DNAH8: variants seen among roughly 807,000 people sequenced by gnomAD.
The protein encoded by DNAH8 is dynein axonemal heavy chain 8.
DNAH8 carries 382 observed loss-of-function variants against 562.1 expected under a neutral mutation model. The observed-to-expected ratio is 0.68, with a 90% CI of 0.63 to 0.74. The LOEUF (loss-of-function observed/expected upper bound fraction) is 0.74, where lower values mean the gene tolerates loss of function less well. Ranked by LOEUF, DNAH8 falls within the 30% of genes least tolerant of loss-of-function variation. The probability of loss-of-function intolerance (pLI) is 0.00; values close to 1 mark genes in which losing one functional copy is unlikely to be tolerated. For missense variants in DNAH8, 5,203 were observed against 5,620.4 expected (o/e 0.93, Z 2.37); for synonymous variants, 1,881 against 1,919.4 (o/e 0.98, Z 0.52).
chr6:38,836,254 G>A (rs995459950), intron 32 of DNAH8, among the ~76,000 whole-genome samples: 1 of 151,942 alleles, frequency 6.6e-6, no homozygotes, highest in Non-Finnish European at 1.5e-5. Context: ...TCAGCAACTG[G>A]GACATTATGT....
At chr6:38,839,281 G>C (rs1774569407) in intron 33 of DNAH8, among the ~76,000 whole-genome samples, 1 of 151,806 alleles carries the variant, frequency 6.6e-6, no homozygotes, top group Non-Finnish European at 1.5e-5. Context: ...TGGACCAACA[G>C]ACCATTTTCA....
intron 78 of DNAH8, 23 bp downstream of exon 78, chr6:38,938,249 C>T: frequency 1.3e-6 from 2 of 1,584,152 alleles, no homozygotes; most frequent in Non-Finnish European, 1.7e-6. Flanking sequence ...TACCTTCATC[C>T]AAAAGTGGTG....
At chr6:38,857,816 T>A (rs1776322858) in intron 42 of DNAH8, 74 bp downstream of exon 42, 1 of 906,906 alleles carries the variant, frequency 1.1e-6, no homozygotes. Flanking sequence ...GTTGCCTAAC[T>A]TACATGAACT....
At chr6:38,755,285 C>CT in intron 9 of DNAH8, among the ~76,000 whole-genome samples, 1 of 152,256 alleles carries the variant, frequency 6.6e-6, no homozygotes, top group East Asian at 1.9e-4. Context: ...GAATAATATG[C>CT]TAACGCTCTT....
intron 40 of DNAH8, 77 bp downstream of exon 40, chr6:38,852,875 A>G (rs1247558711): frequency 1.8e-6 from 2 of 1,117,516 alleles, no homozygotes; most frequent in African/African-American, 3.2e-5. Flanking sequence ...GTTCTCTTAC[A>G]GAAAAAAACA....
chr6:38,721,701 TCAAA>T (rs1012013589), intron 1 of DNAH8, among the ~76,000 whole-genome samples: 29 of 152,140 alleles, frequency 1.9e-4, no homozygotes, highest in African/African-American at 6.5e-4. Context: ...ACTAAGTGTA[TCAAA>T]CAAACAATTA....
intron 27 of DNAH8, 65 bp downstream of exon 27, chr6:38,823,099 A>G: frequency 1.4e-6 from 2 of 1,407,072 alleles, no homozygotes; most frequent in Non-Finnish European, 1.9e-6. Context: ...AGGGTGGACC[A>G]GGAAAATATC....
chr6:38,941,191 A>T (rs956304293), intron 79 of DNAH8, among the ~76,000 whole-genome samples: 4 of 152,160 alleles, frequency 2.6e-5, no homozygotes, highest in Non-Finnish European at 5.9e-5. Flanking sequence ...TACAGAAATA[A>T]CAGCCAAAGC....
chr6:38,929,983 A>G (rs956584430), intron 75 of DNAH8, among the ~76,000 whole-genome samples: 1 of 152,142 alleles, frequency 6.6e-6, no homozygotes, highest in Non-Finnish European at 1.5e-5. Flanking sequence ...TCTGGTCTTA[A>G]TATGTTAGTG....
chr6:38,909,454 T>C, intron 64 of DNAH8, 64 bp from the exon 65 acceptor site: 1 of 1,480,862 alleles, frequency 6.8e-7, no homozygotes, highest in Non-Finnish European at 9.4e-7. Context: ...ATTGCGTAAA[T>C]CTCTCTCTGG....
chr6:38,938,193 A>G lies in DNAH8; in HGVS notation c.11783A>G (p.Gln3928Arg). 3.1e-6 allele frequency: 5 copies of G among 1,613,540 alleles called. No individual in the cohort carries two copies. Among genetic ancestry groups the G allele is most frequent in the East Asian group, 2.2e-5 (1 of 44,872 alleles). ...ATCATGTATCAGACGTCATTGGCCC[A>G]GTTCTTGAAGTTATTTGACCAGTCC... ...VNIMYQTSLAQFLKLFDQSMA... is the reference protein window; with the variant it reads ...VNIMYQTSLARFLKLFDQSMA... Residue 3928 changes from glutamine to arginine, a missense_variant, in exon 78 of 93, where the codon CAG becomes CGG. By Grantham distance (43) the Gln-to-Arg change is conservative. Transcript: ENST00000327475.
chr6:38,873,744 ACACACACACACACACACACACACACC>A (rs1166388429), intron 52 of DNAH8, among the ~76,000 whole-genome samples: 3 of 95,132 alleles, frequency 3.2e-5, no homozygotes, highest in African/African-American at 1.0e-4. Context: ...ACACACACAC[ACACACACACACACACACACACACACC>A]CCTGCACTCC....
rs140466979 is a variant in DNAH8 at position 38,816,513 on chromosome 6, G to T, written c.3523+856G>T. ...TGATGGGCATTTGGGTTGATTCCAT[G>T]TCTGCTATTGTGAATAGTGCTGCAA... On this transcript the variant is annotated intron_variant, in intron 26 of 92. Transcript: ENST00000327475. 2.8e-3 allele frequency among the ~76,000 whole-genome samples: 423 copies of T among 152,196 alleles called. 2 individuals carry two copies. Among genetic ancestry groups the T allele is most frequent in the African/African-American group, 9.6e-3 (399 of 41,522 alleles).
At chr6:38,915,176 T>C in intron 67 of DNAH8, 25 bp from the exon 68 acceptor site, 1 of 1,567,172 alleles carries the variant, frequency 6.4e-7, no homozygotes, top group Non-Finnish European at 8.6e-7. Context: ...TCTATTGGCT[T>C]TCATGTGTTT....
rs374200463 is a variant in DNAH8, at chr6:38,742,916, C to G, written c.1293+1029C>G. Among the ~76,000 whole-genome samples the G allele has an allele frequency of 1.9e-4, 29 of 151,814 alleles. No homozygotes were observed. The South Asian group carries it at 6.0e-3, about 32-fold the overall frequency. On this transcript the variant is annotated intron_variant, in intron 8 of 92. Coordinates refer to ENST00000327475, the MANE Select transcript of DNAH8 (RefSeq NM_001206927.2). ...CATAGCATAATATTTTTCAACTTCC[C>G]TTCCCCACCCCTGATAGTATATCTT...
chr6:38,926,160 A>C lies in DNAH8; in HGVS notation c.11068A>C (p.Thr3690Pro). ...TRYPLLIDPQTQGKTWIKSKE... is the reference protein window; with the variant it reads ...TRYPLLIDPQPQGKTWIKSKE... Reference sequence around the variant, plus strand: ...ATACCCACTCCTCATAGACCCACAAACTCAAGGCAAAACTTGGATTAAATC... The same window carrying C: ...ATACCCACTCCTCATAGACCCACAACCTCAAGGCAAAACTTGGATTAAATC... The change falls in exon 74 of 93, where the codon ACT (threonine) becomes CCT (proline). Residue 3690 changes from threonine to proline, a missense_variant. Coordinates refer to ENST00000327475, the MANE Select transcript of DNAH8 (RefSeq NM_001206927.2). 1 of 1,613,770 alleles carries C rather than the reference A, an allele frequency of 6.2e-7. No individual in the cohort carries two copies. The highest frequency in any genetic ancestry group is 8.5e-7 in the Non-Finnish European group (1 of 1,179,774).
intron 21 of DNAH8, among the ~76,000 whole-genome samples, chr6:38,796,912 A>G (rs1489673804): frequency 6.6e-6 from 1 of 152,100 alleles, no homozygotes; most frequent in African/African-American, 2.4e-5. Context: ...TGTTTAACCC[A>G]TCCTCCATAT....
chr6:38,926,287 C>A, intron 74 of DNAH8, 77 bp downstream of exon 74: 2 of 1,490,332 alleles, frequency 1.3e-6, no homozygotes, highest in South Asian at 1.3e-5. Flanking sequence ...AATCTGCAGT[C>A]ATAAAGTTGT....
chr6:38,839,170 A>AT (rs1162871936), intron 33 of DNAH8, among the ~76,000 whole-genome samples: 1 of 152,156 alleles, frequency 6.6e-6, no homozygotes, highest in Non-Finnish European at 1.5e-5. Context: ...GAAAATCTGC[A>AT]TTTTACACAC....
Sources: gnomAD v4.1 joint callset for allele counts (sites outside exome capture counted in the v4.1 genomes callset) on GRCh38, gnomAD v4.1.1 for gene constraint, MANE v1.5 for transcripts, NCBI Gene and HGNC (gene_info 2026-07-23, HGNC 2026-07-21) for gene names.